ZFP91: variants seen among roughly 807,000 people sequenced by gnomAD.
ZFP91 encodes the protein ZFP91 zinc finger protein, atypical E3 ubiquitin ligase, also known as E3 ubiquitin-protein ligase ZFP91.
Under a neutral mutation model 63.5 loss-of-function variants are expected in ZFP91, and 7 were observed. The ratio of observed to expected loss-of-function variants is 0.11; its 90% CI spans 0.06 to 0.21. The LOEUF (loss-of-function observed/expected upper bound fraction) is 0.21, where lower values mean the gene tolerates loss of function less well. Ranked by LOEUF, ZFP91 falls within the 10% of genes least tolerant of loss-of-function variation. The pLI is 1.00. For synonymous variants in ZFP91, 330 were observed against 272.1 expected (o/e 1.21, Z -2.10); for missense variants, 628 against 736.6 (o/e 0.85, Z 1.71).
intron 2 of ZFP91, among the ~76,000 whole-genome samples, chr11:58,596,157 T>TA (rs1309999611): frequency 2.0e-5 from 3 of 152,134 alleles, no homozygotes; most frequent in Non-Finnish European, 4.4e-5. Context: ...AAAATTTATT[T>TA]AAAAAAACCA....
intron 5 of ZFP91, chr11:58,611,290 T>C (rs1357903652): frequency 4.2e-6 from 2 of 479,092 alleles, no homozygotes; most frequent in Non-Finnish European, 7.2e-6. Flanking sequence ...TCTGCATGTT[T>C]TATTTCAACA....
intron 6 of ZFP91, 179 bp from the exon 7 acceptor site, chr11:58,612,099 A>T: frequency 1.6e-6 from 1 of 639,258 alleles, no homozygotes; most frequent in African/African-American, 1.8e-5. Flanking sequence ...TGAAAGTGAA[A>T]TTACTTCAGG....
chr11:58,582,517 G>C (rs1048520514), intron 1 of ZFP91, among the ~76,000 whole-genome samples: 5 of 152,190 alleles, frequency 3.3e-5, no homozygotes, highest in African/African-American at 1.2e-4. Flanking sequence ...TAATTAAAGT[G>C]ATAGTAAAGT....
chr11:58,612,189 C>A, intron 6 of ZFP91, 89 bp from the exon 7 acceptor site: 3 of 1,222,426 alleles, frequency 2.5e-6, no homozygotes, highest in Non-Finnish European at 3.5e-6. Flanking sequence ...TGTTCTTTGG[C>A]CGTGTGTGTG....
chr11:58,617,566 C>T lies in ZFP91; in HGVS notation c.1573C>T (p.Arg525Trp), dbSNP rs561947960. 8 of 1,611,968 alleles carry T rather than the reference C, an allele frequency of 5.0e-6. No homozygotes were observed. The highest frequency in any genetic ancestry group is 2.2e-5 in the East Asian group (1 of 44,856). The change falls in exon 11 of 11, where the codon CGG becomes TGG. Residue 525 changes from arginine (R) to tryptophan (W), a missense_variant. Physicochemically the swap from Arg to Trp is moderately radical, Grantham distance 101. Around this residue, in one of 3 missense-constraint regions of ZFP91, gnomAD observed 115 missense variants for 125.4 expected, o/e 0.92. Coordinates refer to ENST00000316059, the MANE Select transcript of ZFP91 (RefSeq NM_053023.5). This position sits in a 1 kb window ranked among gnomAD's most constrained non-coding sequence, Gnocchi z 4.2. ...MSKSYCSGTE[R>W]VSLMADGKIF... ...AAAGTCATACTGCAGTGGGACGGAA[C>T]GGGTGAGCCTGATGGCTGATGGGAA...
In ZFP91 at chr11:58,620,528, C is replaced by T. The variant is rs796101665; in HGVS notation, c.*2822C>T. On this transcript the variant is annotated 3_prime_UTR_variant, in exon 11 of 11. Coordinates refer to ENST00000316059, the MANE Select transcript of ZFP91 (RefSeq NM_053023.5). ...TTTGTGGTTGCCCAAGGTTGTTTTGCGTAACTGAGACTCCTTGATATGCTT... is the reference window on the plus strand; with the variant it reads ...TTTGTGGTTGCCCAAGGTTGTTTTGTGTAACTGAGACTCCTTGATATGCTT... 22 of 152,660 alleles carry T rather than the reference C, an allele frequency of 1.4e-4. 1 individual carries two copies. The highest frequency in any genetic ancestry group is 4.1e-4 in the African/African-American group (17 of 41,540). The allele number at this position is 152,660 out of a possible 1,614,324, so 9.5% of individuals were successfully genotyped here. A position where few individuals can be genotyped will look rare whatever the true frequency, so the allele number is the denominator to read the frequency against.
In ZFP91 at chr11:58,620,338, CTT is replaced by C. The variant is rs770341297; in HGVS notation, c.*2635_*2636del. 6.6e-5 allele frequency: 10 copies of C among 152,164 alleles called. No homozygotes were observed. Among genetic ancestry groups the C allele is most frequent in the Non-Finnish European group, 1.3e-4 (9 of 68,032 alleles). The allele number at this position is 152,164 out of a possible 1,614,324, so 9.4% of individuals were successfully genotyped here. A position where few individuals can be genotyped will look rare whatever the true frequency, so the allele number is the denominator to read the frequency against. On this transcript the variant is annotated 3_prime_UTR_variant, in exon 11 of 11. Coordinates refer to ENST00000316059, the MANE Select transcript of ZFP91 (RefSeq NM_053023.5). ...TGCCTCATTGTCCTTCCAGGGAGCT[CTT>C]TTAATCTTAAAGTTCTACATTTCAT... is the stretch of plus-strand genomic sequence containing the variant.
At chr11:58,587,037 C>G (rs192842208) in intron 2 of ZFP91, among the ~76,000 whole-genome samples, 12 of 152,184 alleles carry the variant, frequency 7.9e-5, no homozygotes, top group Non-Finnish European at 5.9e-5. Context: ...ATATTGCACA[C>G]ACAGAGTAGG....
chr11:58,589,514 T>TG (rs1359901141), intron 2 of ZFP91, among the ~76,000 whole-genome samples: 3 of 152,230 alleles, frequency 2.0e-5, no homozygotes, highest in African/African-American at 7.2e-5. Flanking sequence ...AAAGCAAACT[T>TG]TAATTATTTA....
chr11:58,616,506 T>G, intron 9 of ZFP91, among the ~76,000 whole-genome samples: 1 of 152,154 alleles, frequency 6.6e-6, no homozygotes, highest in African/African-American at 2.4e-5. Context: ...TTTTGTTTTT[T>G]TTTAAACAGG....
intron 7 of ZFP91, 101 bp from the exon 8 acceptor site, chr11:58,612,661 A>G (rs1463648925): frequency 1.0e-5 from 9 of 873,920 alleles, no homozygotes; most frequent in Non-Finnish European, 1.6e-5. Context: ...TCTTCCTACT[A>G]TAAAATAGCT....
chr11:58,596,553 G>A (rs889386970), intron 2 of ZFP91, among the ~76,000 whole-genome samples: 1 of 152,106 alleles, frequency 6.6e-6, no homozygotes, highest in Non-Finnish European at 1.5e-5. Flanking sequence ...CTGCTTATAT[G>A]TTGTCTTTCT....
chr11:58,616,948 G>A, intron 10 of ZFP91, 133 bp downstream of exon 10: 1 of 921,984 alleles, frequency 1.1e-6, no homozygotes, highest in Non-Finnish European at 1.6e-6. Flanking sequence ...ATTGATTGGG[G>A]GCATTAGTTA....
intron 7 of ZFP91, 98 bp from the exon 8 acceptor site, chr11:58,612,664 A>C: frequency 1.1e-6 from 1 of 890,986 alleles, no homozygotes; most frequent in Non-Finnish European, 1.8e-6. Context: ...TCCTACTATA[A>C]AATAGCTATT....
At position 58,619,411 on chromosome 11, in the gene ZFP91, C is replaced by T. The variant is rs1050238381; in HGVS notation, c.*1705C>T. On this transcript the variant is annotated 3_prime_UTR_variant, in exon 11 of 11. Coordinates refer to ENST00000316059, the MANE Select transcript of ZFP91 (RefSeq NM_053023.5). Reference sequence around the variant, plus strand: ...TCCTGTGTGCCTCAGAAGCTAGAATCGAAGGCTTACCCTATTCATTGTTTA... The same window carrying T: ...TCCTGTGTGCCTCAGAAGCTAGAATTGAAGGCTTACCCTATTCATTGTTTA... 3 of 151,766 alleles carry T rather than the reference C, an allele frequency of 2.0e-5. No homozygotes were observed. The highest frequency in any genetic ancestry group is 4.9e-5 in the African/African-American group (2 of 41,200). 9.4% of individuals were successfully genotyped at this position (151,766 alleles called of 1,614,324 possible). A position where few individuals can be genotyped will look rare whatever the true frequency, so the allele number is the denominator to read the frequency against.
At chr11:58,605,180 A>G (rs1253609516) in intron 2 of ZFP91, among the ~76,000 whole-genome samples, 1 of 152,100 alleles carries the variant, frequency 6.6e-6, no homozygotes, top group Non-Finnish European at 1.5e-5. Context: ...TCAGTAGTAA[A>G]CATATCTCTG....
intron 9 of ZFP91, among the ~76,000 whole-genome samples, chr11:58,616,325 T>G (rs1855748215): frequency 2.6e-5 from 4 of 152,174 alleles, no homozygotes; most frequent in Admixed American, 2.6e-4. Flanking sequence ...TTCTGTGTAA[T>G]CATTCAGTTT....
intron 2 of ZFP91, among the ~76,000 whole-genome samples, chr11:58,587,938 T>C (rs534708175): frequency 3.4e-4 from 52 of 152,272 alleles, no homozygotes; most frequent in African/African-American, 1.2e-3. Context: ...TAGAATCAAG[T>C]AGATGTGGGC....
chr11:58,616,596 C>A, intron 9 of ZFP91, 120 bp from the exon 10 acceptor site: 1 of 646,310 alleles, frequency 1.5e-6, no homozygotes, highest in Non-Finnish European at 2.6e-6. Context: ...AGTGTTTATA[C>A]ATTGAAAACA....
Sources: allele counts gnomAD v4.1 joint callset (sites outside exome capture counted in the v4.1 genomes callset), GRCh38; gene constraint gnomAD v4.1.1; regional missense constraint gnomAD v4.1.1; non-coding constraint Gnocchi (gnomAD v3.1); transcripts MANE v1.5; gene names NCBI Gene and HGNC (gene_info 2026-07-23, HGNC 2026-07-21).